The following EYA4 variants were observed in gnomAD, a reference collection of about 807,000 sequenced individuals.
The protein encoded by EYA4 is EYA transcriptional coactivator and phosphatase 4, also known as protein phosphatase EYA4.
A neutral mutation model predicts 87.9 loss-of-function variants in EYA4; 31 were observed. The observed-to-expected ratio is 0.35, with a 90% confidence interval of 0.27 to 0.48. EYA4 has a LOEUF of 0.48. Ranked by LOEUF, EYA4 falls within the 20% of genes least tolerant of loss-of-function variation. EYA4 has a pLI of 0.99. For synonymous variants in EYA4, 263 were observed against 270.6 expected, an observed-to-expected ratio of 0.97 and a Z score of 0.28; for missense variants, 678 against 761.4, an observed-to-expected ratio of 0.89 and a Z score of 1.29.
chr6:133,490,867 G>C (rs1400164765), intron 13 of EYA4, among the ~76,000 whole-genome samples: 4 of 152,096 alleles, frequency 2.6e-5, no homozygotes, highest in Non-Finnish European at 5.9e-5. Flanking sequence ...GGACCTAATA[G>C]ATATTTACAG....
chr6:133,321,334 G>T (rs1370797779), intron 2 of EYA4, among the ~76,000 whole-genome samples: 1 of 152,048 alleles, frequency 6.6e-6, no homozygotes, highest in Non-Finnish European at 1.5e-5. Context: ...TCCAAATAGG[G>T]TTGCCTTGTC....
chr6:133,477,558 A>G (rs1795848781), intron 11 of EYA4, among the ~76,000 whole-genome samples: 1 of 151,940 alleles, frequency 6.6e-6, no homozygotes, highest in Admixed American at 6.6e-5. Flanking sequence ...CTCTCACTCT[A>G]GTAGGTTGTT....
At chr6:133,326,781 C>T (rs929645305) in intron 2 of EYA4, among the ~76,000 whole-genome samples, 3 of 152,210 alleles carry the variant, frequency 2.0e-5, no homozygotes, top group Non-Finnish European at 2.9e-5. Flanking sequence ...TCTTAATGGG[C>T]AGATTGCCAT....
intron 2 of EYA4, among the ~76,000 whole-genome samples, chr6:133,369,481 A>G (rs1030660567): frequency 6.6e-6 from 1 of 152,022 alleles, no homozygotes; most frequent in East Asian, 1.9e-4. Flanking sequence ...GAAAATATAT[A>G]CAAAATAAAT....
chr6:133,522,034 G>T, intron 17 of EYA4, among the ~76,000 whole-genome samples: 1 of 138,882 alleles, frequency 7.2e-6, no homozygotes, highest in African/African-American at 2.6e-5. Context: ...GTTAGTGGGT[G>T]CAGCGCACCA....
chr6:133,531,103 G>A lies in EYA4; in HGVS notation c.*2298G>A, dbSNP rs949245741. 5 of 1,485,482 alleles carry A rather than the reference G, an allele frequency of 3.4e-6. No individual in the cohort carries two copies. The African/African-American group carries it at 5.6e-5, about 17-fold the overall frequency. 92.0% of individuals were successfully genotyped at this position (1,485,482 alleles called of 1,614,324 possible). A position where few individuals can be genotyped will look rare whatever the true frequency, so the allele number is the denominator to read the frequency against. ...CAAGGCTTTTTATGCTGCTAAGTCT[G>A]TGGGTGCAGAAAGAAACACCCCTTG... is the stretch of plus-strand genomic sequence containing the variant. On this transcript the variant is annotated 3_prime_UTR_variant, in exon 20 of 20. Transcript: ENST00000355286.
In EYA4 at chr6:133,389,031, C is replaced by T. The variant is rs116260565; in HGVS notation, c.83+6590C>T. On this transcript the variant is annotated intron_variant, in intron 3 of 19. Transcript: ENST00000355286. ...CTCTCTCCACAGAGGCTGGGACTCT[C>T]CTTCCCTTTCAGTTTCTCCTTTCCC... Among the ~76,000 whole-genome samples, 987 of 152,234 alleles carry T rather than the reference C, an allele frequency of 6.5e-3. 11 individuals carry two copies. Among genetic ancestry groups the T allele is most frequent in the African/African-American group, 0.021 (886 of 41,532 alleles).
At chr6:133,518,401 A>G (rs1449955415) in intron 17 of EYA4, among the ~76,000 whole-genome samples, 3 of 152,144 alleles carry the variant, frequency 2.0e-5, no homozygotes, top group Non-Finnish European at 4.4e-5. Flanking sequence ...TTATCCACAT[A>G]TATTACCATA....
chr6:133,516,569 AC>A (rs1799617168), intron 17 of EYA4, among the ~76,000 whole-genome samples: 4 of 151,246 alleles, frequency 2.6e-5, no homozygotes, highest in South Asian at 4.2e-4. Flanking sequence ...AAAAAAAAAA[AC>A]AAAATTAGCT....
intron 6 of EYA4, among the ~76,000 whole-genome samples, 194 bp downstream of exon 6, chr6:133,456,842 G>A (rs896519391): frequency 2.3e-4 from 35 of 152,050 alleles, no homozygotes; most frequent in African/African-American, 8.2e-4. Context: ...GAATAATTTC[G>A]CTTGATATTT....
intron 2 of EYA4, among the ~76,000 whole-genome samples, chr6:133,376,862 A>G (rs2128471641): frequency 6.6e-6 from 1 of 152,160 alleles, no homozygotes; most frequent in South Asian, 2.1e-4. Flanking sequence ...TACTTACGTA[A>G]ATACAACCTA....
At chr6:133,492,183 G>C (rs894744588) in intron 13 of EYA4, among the ~76,000 whole-genome samples, 1 of 152,066 alleles carries the variant, frequency 6.6e-6, no homozygotes, top group Non-Finnish European at 1.5e-5. Context: ...CAATATCCTT[G>C]ATAAATATTG....
rs759285865 is a variant in EYA4, at chr6:133,446,659, C to T, written c.113C>T (p.Pro38Leu). The change falls in exon 4 of 20, where the codon CCT becomes CTT. Residue 38 changes from proline (P) to leucine (L), a missense_variant. Transcript: ENST00000355286. ...ATGGAAATGCAGGACCTAGCAAGTC[C>T]TCATACTCTTGTTGGAGGTGGTGAT... ...RSMEMQDLAS[P>L]HTLVGGGDTP... 1 of 1,613,926 alleles carries T rather than the reference C, an allele frequency of 6.2e-7. No homozygotes were observed. Among genetic ancestry groups the T allele is most frequent in the Admixed American group, 1.7e-5 (1 of 60,018 alleles).
intron 2 of EYA4, among the ~76,000 whole-genome samples, chr6:133,373,964 GC>G (rs1785473017): frequency 6.6e-6 from 1 of 151,944 alleles, no homozygotes; most frequent in African/African-American, 2.4e-5. Flanking sequence ...ACCTTTGCCT[GC>G]CCCACTGGGT....
chr6:133,477,062 G>A (rs1310300787), intron 11 of EYA4, among the ~76,000 whole-genome samples: 1 of 152,002 alleles, frequency 6.6e-6, no homozygotes, highest in Non-Finnish European at 1.5e-5. Flanking sequence ...TGTGAAGAAG[G>A]TGCCTTGCTT....
intron 13 of EYA4, among the ~76,000 whole-genome samples, chr6:133,496,310 A>G (rs1368816264): frequency 2.6e-5 from 4 of 152,218 alleles, no homozygotes; most frequent in Admixed American, 1.3e-4. Flanking sequence ...TATTTCCACA[A>G]TATGCATGTT....
chr6:133,509,650 A>G (rs974473599), intron 14 of EYA4, among the ~76,000 whole-genome samples: 1 of 152,212 alleles, frequency 6.6e-6, no homozygotes, highest in Non-Finnish European at 1.5e-5. Flanking sequence ...CCTCCAGAAA[A>G]GAAGTCTCAG....
At chr6:133,517,693 C>T (rs985835497) in intron 17 of EYA4, among the ~76,000 whole-genome samples, 2 of 152,072 alleles carry the variant, frequency 1.3e-5, no homozygotes, top group Non-Finnish European at 2.9e-5. Context: ...CTGGGGAAGC[C>T]ATGGCAGCTT....
chr6:133,462,420 C>A lies in EYA4; in HGVS notation c.523C>A (p.Pro175Thr), dbSNP rs763350623. The change falls in exon 8 of 20, where the codon CCA (proline) becomes ACA (threonine). Residue 175 changes from proline to threonine, a missense_variant. Physicochemically the swap from Pro to Thr is conservative, Grantham distance 38. Transcript: ENST00000355286. ...GQTQYSGMQQ[P>T]AVYTAYSQTG... ...GACTCAGTATTCGGGGATGCAGCAG[C>A]CAGCCGTCTACACAGCCTACTCACA... 2.5e-6 allele frequency: 4 copies of A among 1,614,014 alleles called. No homozygotes were observed. The East Asian group carries it at 6.7e-5, about 27-fold the overall frequency.
Sources: gnomAD v4.1 joint callset for allele counts (sites outside exome capture counted in the v4.1 genomes callset) on GRCh38, gnomAD v4.1.1 for gene constraint, MANE v1.5 for transcripts, NCBI Gene and HGNC (gene_info 2026-07-23, HGNC 2026-07-21) for gene names.